The following ASIC4 variants were observed in gnomAD, a reference collection of about 807,000 sequenced individuals.
ASIC4 encodes the protein acid-sensing ion channel 4.
In ASIC4, 28 loss-of-function variants were observed where a neutral mutation model predicts 53.4. The observed-to-expected ratio is 0.52, with a 90% CI of 0.39 to 0.72. The LOEUF (loss-of-function observed/expected upper bound fraction) is 0.72. Ranked by LOEUF, ASIC4 falls within the 30% of genes least tolerant of loss-of-function variation. The probability of loss-of-function intolerance (pLI) is 0.00; values close to 1 mark genes in which losing one functional copy is unlikely to be tolerated. For missense variants in ASIC4, 649 were observed against 729.7 expected (o/e 0.89, Z 1.27); for synonymous variants, 289 against 301.4 (o/e 0.96, Z 0.43).
At chr2:219,535,720 C>CTCCT (rs1695125954) in intron 6 of ASIC4, among the ~76,000 whole-genome samples, 1 of 150,594 alleles carries the variant, frequency 6.6e-6, no homozygotes, top group South Asian at 2.1e-4. Context: ...GGCCGCATCT[C>CTCCT]TATGATGAGT....
the ASIC4 span, among the ~76,000 whole-genome samples, chr2:219,508,412 G>A: frequency 6.6e-6 from 1 of 152,328 alleles, no homozygotes; most frequent in South Asian, 2.1e-4. Flanking sequence ...AGTGGGGGTG[G>A]GGACATGGTG....
At position 219,532,462 on chromosome 2, in the gene ASIC4, A is replaced by G. The variant is rs967332827; in HGVS notation, c.1003A>G (p.Met335Val). ...EAVLQRCHCR[M>V]VHMPGNETIC... ...CGTGCTTCAGCGCTGCCACTGCCGG[A>G]TGGTGCACATGCCAGGTGGGCACCC... The change falls in exon 4 of 10, where the codon ATG becomes GTG. Residue 335 changes from methionine to valine, a missense_variant. Physicochemically the swap from Met to Val is conservative, Grantham distance 21. Coordinates refer to ENST00000358078, the MANE Select transcript of ASIC4 (RefSeq NM_018674.6). The G allele has an allele frequency of 6.2e-7, 1 of 1,612,268 alleles. No individual in the cohort carries two copies.
chr2:219,537,469 G>A lies in ASIC4; in HGVS notation c.1401+148G>A. The A allele has an allele frequency of 3.6e-6, 4 of 1,120,260 alleles. No homozygotes were observed. Among genetic ancestry groups the A allele is most frequent in the Non-Finnish European group, 5.2e-6 (4 of 774,876 alleles). 69.4% of individuals were successfully genotyped at this position (1,120,260 alleles called of 1,614,324 possible). ...TCCCCTGACTGGCTGGCAGGCCTGA[G>A]GGCTCAGAGTCAGGAGAAGGGGATG... On this transcript the variant is annotated intron_variant, in intron 8 of 9. Coordinates refer to ENST00000358078, the MANE Select transcript of ASIC4 (RefSeq NM_018674.6). The surrounding 1 kb of genome is among the most constrained non-coding windows in gnomAD (Gnocchi z 4.9).
intron 1 of ASIC4, among the ~76,000 whole-genome samples, chr2:219,521,925 A>G (rs966817020): frequency 2.6e-5 from 4 of 152,208 alleles, no homozygotes; most frequent in East Asian, 1.9e-4. Flanking sequence ...TAGGGTCTTC[A>G]GAAGGATGAG....
Position 219,514,547 on chromosome 2 carries a change from T to A in ASIC4, c.-178T>A. The A allele has an allele frequency of 6.4e-7, 1 of 1,559,840 alleles. No homozygotes were observed. The highest frequency in any genetic ancestry group is 8.7e-7 in the Non-Finnish European group (1 of 1,152,318). On this transcript the variant is annotated 5_prime_UTR_variant, in exon 1 of 10. Transcript: ENST00000358078. The stretch of plus-strand genomic sequence containing the variant: ...GGCAGCACCAGGGCTGCGGAGCTGC[T>A]GGGAGTGGGAGTGACTCCCCCACCT...
Position 219,537,283 on chromosome 2 carries a change from A to G in ASIC4, c.1363A>G (p.Ile455Val). 6.2e-7 allele frequency: 1 copy of G among 1,613,732 alleles called. No individual in the cohort carries two copies. The highest frequency in any genetic ancestry group is 8.5e-7 in the Non-Finnish European group (1 of 1,179,892). Residue 455 changes from isoleucine (I) to valine (V), a missense_variant, in exon 8 of 10, where the codon ATC (isoleucine) becomes GTC (valine). Ile to Val is a conservative substitution (Grantham distance 29, BLOSUM62 3). Transcript: ENST00000358078. The surrounding 1 kb of genome is among the most constrained non-coding windows in gnomAD (Gnocchi z 4.9). ...GATGGGCCTGTTCATTGGGGCCAGC[A>G]TCCTCACGTTGCTGGAGATCCTCGA... ...GQMGLFIGAS[I>V]LTLLEILDYI...
rs374211880 is a variant in ASIC4, at chr2:219,514,561, A to T, written c.-164A>T. The T allele has an allele frequency of 3.2e-4, 506 of 1,566,040 alleles. 1 individual carries two copies. Among genetic ancestry groups the T allele is most frequent in the Non-Finnish European group, 4.3e-4 (500 of 1,156,354 alleles). ...TGCGGAGCTGCTGGGAGTGGGAGTG[A>T]CTCCCCCACCTCGGGCCCCCACCCT... On this transcript the variant is annotated 5_prime_UTR_variant, in exon 1 of 10. Coordinates refer to ENST00000358078, the MANE Select transcript of ASIC4 (RefSeq NM_018674.6).
Position 219,518,417 on chromosome 2 carries a change from G to T in ASIC4, c.582+3111G>T, listed in dbSNP as rs1445179252. ...GGGATGAGGCAGGCTGGGCAGTTTG[G>T]AGAAGAGGGAAGAGAGGAAAGAGGA... is the stretch of plus-strand genomic sequence containing the variant. On this transcript the variant is annotated intron_variant, in intron 1 of 9. Transcript: ENST00000358078. This position sits in a 1 kb window ranked among gnomAD's most constrained non-coding sequence, Gnocchi z 4.8. 6.6e-6 allele frequency among the ~76,000 whole-genome samples: 1 copy of T among 152,110 alleles called. No individual in the cohort carries two copies. The highest frequency in any genetic ancestry group is 1.5e-5 in the Non-Finnish European group (1 of 68,012).
rs540538018 is a variant in ASIC4 at position 219,530,374 on chromosome 2, T to G, written c.583-1384T>G. ...ATCTGCTGTCCATGCAGGAGAACTCTCCGCAGAGGAAAAGGGAGCCGGGCT... is the reference window on the plus strand; with the variant it reads ...ATCTGCTGTCCATGCAGGAGAACTCGCCGCAGAGGAAAAGGGAGCCGGGCT... On this transcript the variant is annotated intron_variant, in intron 1 of 9. Coordinates refer to ENST00000358078, the MANE Select transcript of ASIC4 (RefSeq NM_018674.6). Among the ~76,000 whole-genome samples the G allele has an allele frequency of 2.0e-5, 3 of 152,262 alleles. No homozygotes were observed. The East Asian group carries it at 5.8e-4, about 29-fold the overall frequency.
At chr2:219,525,121 A>G (rs148696052) in intron 1 of ASIC4, among the ~76,000 whole-genome samples, 1 of 152,186 alleles carries the variant, frequency 6.6e-6, no homozygotes, top group Admixed American at 6.5e-5. Context: ...AGCCTACAAA[A>G]TATATGCCCC....
At chr2:219,510,128 C>T (rs1326772411), upstream of ASIC4, among the ~76,000 whole-genome samples, 1 of 152,094 alleles carries the variant, frequency 6.6e-6, no homozygotes, top group African/African-American at 2.4e-5. The surrounding 1 kb of genome is among the most constrained non-coding windows in gnomAD (Gnocchi z 5.2). Context: ...CTGCCGTCTT[C>T]ACAGCCCTCA....
rs550284769 is a variant in ASIC4 at position 219,515,543 on chromosome 2, C to T, written c.582+237C>T. Among the ~76,000 whole-genome samples, 4 of 152,376 alleles carry T rather than the reference C, an allele frequency of 2.6e-5. No individual in the cohort carries two copies. The East Asian group carries it at 7.7e-4, about 29-fold the overall frequency. On this transcript the variant is annotated intron_variant, in intron 1 of 9. Transcript: ENST00000358078. ...CCTGCTGCTCCTCTTCTTGGTTTTG[C>T]TGCTGCTGCAGTGCCCAGGTCTGGG...
intron 1 of ASIC4, among the ~76,000 whole-genome samples, chr2:219,531,247 TC>T (rs1304081695): frequency 6.6e-6 from 1 of 151,526 alleles, no homozygotes; most frequent in Non-Finnish European, 1.5e-5. Context: ...ATGCTTGTAA[TC>T]CCAGCTGCTT....
upstream of ASIC4, among the ~76,000 whole-genome samples, chr2:219,510,381 C>T (rs1357007182): frequency 1.3e-5 from 2 of 152,180 alleles, no homozygotes; most frequent in Non-Finnish European, 2.9e-5. The surrounding 1 kb of genome is among the most constrained non-coding windows in gnomAD (Gnocchi z 5.2). Context: ...GCCACTCAGG[C>T]CCCCGCTGTG....
rs1257553899 is a variant in ASIC4 at position 219,537,211 on chromosome 2, C to T, written c.1322-31C>T. On this transcript the variant is annotated intron_variant, in intron 7 of 9. Transcript: ENST00000358078. This position sits in a 1 kb window ranked among gnomAD's most constrained non-coding sequence, Gnocchi z 4.9. ...GTGTGGGGGTGGATCGGCCCGGCCG[C>T]TCCCTCTGACACTGCTCTCCTGCTT... 1 of 1,611,538 alleles carries T rather than the reference C, an allele frequency of 6.2e-7. No individual in the cohort carries two copies. The highest frequency in any genetic ancestry group is 8.5e-7 in the Non-Finnish European group (1 of 1,178,012).
chr2:219,510,937 C>T (rs916618468), upstream of ASIC4, among the ~76,000 whole-genome samples: 5 of 152,134 alleles, frequency 3.3e-5, no homozygotes, highest in African/African-American at 9.7e-5. The surrounding 1 kb of genome is among the most constrained non-coding windows in gnomAD (Gnocchi z 5.2). Context: ...CCCCGCCCCT[C>T]GGCCCCTGCA....
In ASIC4 at chr2:219,515,045, C is replaced by T; in HGVS notation, c.321C>T (p.Ala107=). 1 of 1,613,822 alleles carries T rather than the reference C, an allele frequency of 6.2e-7. No individual in the cohort carries two copies. Among genetic ancestry groups the T allele is most frequent in the Non-Finnish European group, 8.5e-7 (1 of 1,179,984 alleles). The change falls in exon 1 of 10, where the codon GCC becomes GCT. Residue 107 remains alanine (A), a synonymous_variant. Transcript: ENST00000358078. ...HLVAMDPAAP[A]PVAGFPAVTL... ...TGGCAATGGACCCCGCTGCCCCAGC[C>T]CCAGTGGCGGGCTTCCCGGCTGTCA...
intron 5 of ASIC4, among the ~76,000 whole-genome samples, chr2:219,534,478 C>T (rs973356463): frequency 2.0e-5 from 3 of 152,250 alleles, no homozygotes; most frequent in South Asian, 2.1e-4. Flanking sequence ...CTGCCACCTA[C>T]GGCCTGGCAG....
chr2:219,528,642 C>T (rs1208429982), intron 1 of ASIC4, among the ~76,000 whole-genome samples: 6 of 152,056 alleles, frequency 3.9e-5, no homozygotes, highest in Non-Finnish European at 5.9e-5. Context: ...TGAGTTGAAG[C>T]GATTCTCCTA....
Sources: allele counts gnomAD v4.1 joint callset (sites outside exome capture counted in the v4.1 genomes callset), GRCh38; gene constraint gnomAD v4.1.1; non-coding constraint Gnocchi (gnomAD v3.1); transcripts MANE v1.5; gene names NCBI Gene and HGNC (gene_info 2026-07-23, HGNC 2026-07-21).